TPD52: variants seen among roughly 807,000 people sequenced by gnomAD.
TPD52 encodes the protein tumor protein D52.
A neutral mutation model predicts 31.3 loss-of-function variants in TPD52; 17 were observed. The observed-to-expected ratio is 0.54, with a 90% CI of 0.37 to 0.82. TPD52 has a LOEUF of 0.82. Among genes scored for constraint, TPD52 ranks in the 40% least tolerant of loss-of-function variants. The pLI is 0.00. For synonymous variants in TPD52, 83 were observed against 89.6 expected (o/e 0.93, Z 0.42); for missense variants, 212 against 240.1 (o/e 0.88, Z 0.77).
intron 1 of TPD52, among the ~76,000 whole-genome samples, chr8:80,154,731 A>G (rs200922019): frequency 0.021 from 3,100 of 149,674 alleles, 126 homozygotes; most frequent in African/African-American, 0.071. Context: ...ACACACACAC[A>G]CACACACACA....
In TPD52 at chr8:80,080,313, A is replaced by G. The variant is rs1179729442; in HGVS notation, c.20-15720T>C. The G allele has an allele frequency of 6.2e-7, 1 of 1,613,862 alleles. No individual in the cohort carries two copies. The highest frequency in any genetic ancestry group is 2.2e-5 in the East Asian group (1 of 44,868). On this transcript the variant is annotated intron_variant, in intron 1 of 7. Transcript: ENST00000518937. ...ACTTAACTTTACAAAATTAGTAGTTACCAAATTTCTGAAGAGTAGGTGATC... is the reference window on the plus strand; with the variant it reads ...ACTTAACTTTACAAAATTAGTAGTTGCCAAATTTCTGAAGAGTAGGTGATC...
intron 5 of TPD52, among the ~76,000 whole-genome samples, chr8:80,048,514 C>A (rs1811085362): frequency 1.3e-5 from 2 of 152,220 alleles, no homozygotes; most frequent in Non-Finnish European, 2.9e-5. Flanking sequence ...GTATCCACCT[C>A]CATGGGAGAA....
rs753996822 is a variant in TPD52, at chr8:80,050,462, G to A, written c.396C>T (p.Ala132=). ...CTCCTTACCTAAAGGAATGTGAAAA[G>A]GCTTGCAATCTGTAAGAAGCCAGAG... ...TKKLEDVKLQ[A]FSHSFSIRSI... Residue 132 remains alanine (A), a synonymous_variant, in exon 5 of 8, where the codon GCC becomes GCT. Coordinates refer to ENST00000518937, the MANE Select transcript of TPD52 (RefSeq NM_001025253.3). 1 of 1,606,348 alleles carries A rather than the reference G, an allele frequency of 6.2e-7. No homozygotes were observed. Among genetic ancestry groups the A allele is most frequent in the East Asian group, 2.2e-5 (1 of 44,720 alleles).
At chr8:80,061,828 C>T (rs1472880003) in intron 2 of TPD52, among the ~76,000 whole-genome samples, 2 of 152,090 alleles carry the variant, frequency 1.3e-5, no homozygotes, top group African/African-American at 2.4e-5. Context: ...TTTACAATCA[C>T]ATCAACAAGA....
At chr8:80,071,743 C>G (rs1410179983) in intron 1 of TPD52, among the ~76,000 whole-genome samples, 3 of 152,158 alleles carry the variant, frequency 2.0e-5, no homozygotes, top group Non-Finnish European at 4.4e-5. Context: ...GCTTAGATTC[C>G]TACCCCTAAG....
intron 5 of TPD52, among the ~76,000 whole-genome samples, chr8:80,046,239 A>G (rs187561818): frequency 3.9e-5 from 6 of 152,370 alleles, no homozygotes; most frequent in Non-Finnish European, 5.9e-5. Context: ...TTCTGTATGC[A>G]TTATATCACA....
intron 1 of TPD52, among the ~76,000 whole-genome samples, chr8:80,108,919 G>C (rs2130968838): frequency 6.6e-6 from 1 of 152,282 alleles, no homozygotes; most frequent in Admixed American, 6.5e-5. Context: ...TGATCCTCGG[G>C]AACTTGGAAA....
intron 1 of TPD52, among the ~76,000 whole-genome samples, chr8:80,116,684 A>C (rs558013014): frequency 6.6e-6 from 1 of 152,348 alleles, no homozygotes; most frequent in East Asian, 1.9e-4. Context: ...AATCGGACAA[A>C]GATATCACAA....
chr8:80,050,553 T>C (rs1811265687), intron 4 of TPD52, 82 bp from the exon 5 acceptor site: 3 of 1,409,212 alleles, frequency 2.1e-6, no homozygotes, highest in Middle Eastern at 2.2e-4. Flanking sequence ...GTTTTAAACA[T>C]ATAATGTTTT....
chr8:80,135,039 C>CAT (rs879490747), intron 1 of TPD52, among the ~76,000 whole-genome samples: 2,053 of 152,250 alleles, frequency 0.013, 20 homozygotes, highest in Middle Eastern at 0.02. Context: ...TTCCAGGAGA[C>CAT]GTACGCAAGT....
chr8:80,083,432 A>G (rs1815484767), intron 1 of TPD52, among the ~76,000 whole-genome samples: 1 of 152,204 alleles, frequency 6.6e-6, no homozygotes, highest in Non-Finnish European at 1.5e-5. Flanking sequence ...GGGCGGGACC[A>G]GGTGGAGTAA....
intron 1 of TPD52, among the ~76,000 whole-genome samples, chr8:80,105,565 C>A (rs1807041654): frequency 6.6e-6 from 1 of 152,004 alleles, no homozygotes; most frequent in Non-Finnish European, 1.5e-5. Flanking sequence ...GGTTTTTGAG[C>A]CATGAGTCTT....
At chr8:80,160,301 G>C (rs532651503) in intron 1 of TPD52, among the ~76,000 whole-genome samples, 3 of 152,230 alleles carry the variant, frequency 2.0e-5, no homozygotes, top group Non-Finnish European at 2.9e-5. Context: ...GAGTACATCT[G>C]GGGAAGTCGT....
chr8:80,053,047 A>C (rs1233391052), intron 3 of TPD52: 1 of 389,854 alleles, frequency 2.6e-6, no homozygotes, highest in African/African-American at 2.1e-5. Flanking sequence ...ATGGGATTTG[A>C]ATTTTATTTC....
intron 1 of TPD52, among the ~76,000 whole-genome samples, chr8:80,164,518 T>C (rs549058764): frequency 1.3e-5 from 2 of 152,014 alleles, no homozygotes; most frequent in Non-Finnish European, 2.9e-5. Context: ...AATAAAACCA[T>C]AAAAGCATAA....
chr8:80,137,953 CTT>C (rs939799830), intron 1 of TPD52, among the ~76,000 whole-genome samples: 14 of 148,654 alleles, frequency 9.4e-5, no homozygotes, highest in African/African-American at 3.4e-4. Flanking sequence ...TTTTTTTTTT[CTT>C]TTTTTTGAGA....
chr8:80,151,647 T>C (rs1810575288), intron 1 of TPD52, among the ~76,000 whole-genome samples: 2 of 152,248 alleles, frequency 1.3e-5, no homozygotes, highest in Non-Finnish European at 2.9e-5. Flanking sequence ...TCTTCTGCTT[T>C]AACCTTTAAA....
At chr8:80,162,383 C>T (rs1161468155) in intron 1 of TPD52, among the ~76,000 whole-genome samples, 1 of 152,092 alleles carries the variant, frequency 6.6e-6, no homozygotes, top group African/African-American at 2.4e-5. Flanking sequence ...GCAAGACACA[C>T]TAAGATCCCA....
intron 1 of TPD52, among the ~76,000 whole-genome samples, chr8:80,141,419 G>A (rs1159824742): frequency 2.6e-5 from 4 of 152,156 alleles, no homozygotes; most frequent in Non-Finnish European, 5.9e-5. Flanking sequence ...GCCACGTTGT[G>A]AACAGCCTTA....
Sources: allele counts gnomAD v4.1 joint callset (sites outside exome capture counted in the v4.1 genomes callset), GRCh38; gene constraint gnomAD v4.1.1; transcripts MANE v1.5; gene names NCBI Gene and HGNC (gene_info 2026-07-23, HGNC 2026-07-21).